The following PCDHGA8 variants were observed in gnomAD, a reference collection of about 807,000 sequenced individuals.
PCDHGA8 encodes protocadherin gamma-A8.
Under a neutral mutation model 59.2 loss-of-function variants are expected in PCDHGA8, and 45 were observed. The observed-to-expected ratio is 0.76, with a 90% CI of 0.60 to 0.98. PCDHGA8 has a LOEUF of 0.98. Among genes scored for constraint, PCDHGA8 ranks in the 50% least tolerant of loss-of-function variants. The probability of loss-of-function intolerance (pLI) is 0.00; values close to 1 mark genes in which losing one functional copy is unlikely to be tolerated. For synonymous variants in PCDHGA8, 531 were observed against 519.0 expected (o/e 1.02, Z -0.32); for missense variants, 1,257 against 1,196.2 (o/e 1.05, Z -0.75).
chr5:141,393,404 G>A lies in PCDHGA8; in HGVS notation c.591G>A (p.Glu197=), dbSNP rs1159260916. 1 of 1,614,024 alleles carries A rather than the reference G, an allele frequency of 6.2e-7. No individual in the cohort carries two copies. Among genetic ancestry groups the A allele is most frequent in the Non-Finnish European group, 8.5e-7 (1 of 1,179,902 alleles). The change falls in exon 1 of 4, where the codon GAG becomes GAA. Residue 197 remains glutamate, a synonymous_variant. Coordinates refer to ENST00000398604, the MANE Select transcript of PCDHGA8 (RefSeq NM_032088.2). ...NGAINPELVL[E]RALDREEEAA... is the part of the protein sequence containing the mutation. Reference sequence around the variant, plus strand: ...CCATAAACCCAGAGCTGGTGCTGGAGCGCGCCCTGGACAGGGAGGAAGAGG... The same window carrying A: ...CCATAAACCCAGAGCTGGTGCTGGAACGCGCCCTGGACAGGGAGGAAGAGG...
Position 141,392,825 on chromosome 5 carries a change from A to T in PCDHGA8, c.12A>T (p.Pro4=). The T allele has an allele frequency of 6.2e-7, 1 of 1,601,466 alleles. No individual in the cohort carries two copies. The change falls in exon 1 of 4, where the codon CCA becomes CCT. Residue 4 remains proline, a synonymous_variant. Transcript: ENST00000398604. Reference sequence around the variant, plus strand: ...GCAGCAAAACAACAATGGCCGCTCCACAGAGTCGCCCCAGACGCGGCGAGC... The same window carrying T: ...GCAGCAAAACAACAATGGCCGCTCCTCAGAGTCGCCCCAGACGCGGCGAGC... The part of the protein sequence containing the change: MAA[P]QSRPRRGELI...
At chr5:141,410,022 A>C (rs557770094) in intron 1 of PCDHGA8, 2 of 1,613,094 alleles carry the variant, frequency 1.2e-6, no homozygotes, top group South Asian at 2.2e-5. Context: ...CTGTCCTACC[A>C]CGTGCTGCAG....
intron 1 of PCDHGA8, chr5:141,402,869 C>G (rs1051518401): frequency 6.7e-5 from 97 of 1,448,564 alleles, no homozygotes; most frequent in Admixed American, 6.1e-4. Flanking sequence ...GAAAAGATCA[C>G]CATACTTTGC....
chr5:141,482,923 AT>A (rs1193255251), intron 1 of PCDHGA8, among the ~76,000 whole-genome samples: 10 of 152,074 alleles, frequency 6.6e-5, no homozygotes, highest in Non-Finnish European at 1.5e-4. Context: ...AATACAAAAA[AT>A]TAGCCAGGTG....
chr5:141,421,842 A>G (rs1209505923), intron 1 of PCDHGA8: 1 of 1,613,744 alleles, frequency 6.2e-7, no homozygotes, highest in Non-Finnish European at 8.5e-7. Context: ...ACCGAGAGAA[A>G]GAGGCTGCTC....
At chr5:141,434,489 C>T (rs921000136) in intron 1 of PCDHGA8, among the ~76,000 whole-genome samples, 4 of 152,158 alleles carry the variant, frequency 2.6e-5, no homozygotes, top group Non-Finnish European at 4.4e-5. Flanking sequence ...ACACCTGGCC[C>T]GCCCAGGGCA....
In PCDHGA8 at chr5:141,489,993, C is replaced by T. The variant is rs1413894892; in HGVS notation, c.2425-4814C>T. 18 of 1,614,186 alleles carry T rather than the reference C, an allele frequency of 1.1e-5. No individual in the cohort carries two copies. The highest frequency in any genetic ancestry group is 1.5e-5 in the Non-Finnish European group (18 of 1,179,990). On this transcript the variant is annotated intron_variant, in intron 1 of 3. Transcript: ENST00000398604. The surrounding 1 kb of genome is among the most constrained non-coding windows in gnomAD (Gnocchi z 4.5). ...AATCCTCAGTTCTACGTGTGGGAAT[C>T]CCAGAGAATGCACCCATTGGTACTC...
chr5:141,428,007 A>G, intron 1 of PCDHGA8: 1 of 1,602,018 alleles, frequency 6.2e-7, no homozygotes, highest in Non-Finnish European at 8.5e-7. Flanking sequence ...ACTCTTCGAT[A>G]TAGTGCCACG....
Position 141,491,732 on chromosome 5 carries a change from C to G in PCDHGA8, c.2425-3075C>G. ...GGCTCGGCGCCGCCCCGGGCGACCC[C>G]TGGGGGCGGCACTGGAGAAGCCGCC... On this transcript the variant is annotated intron_variant, in intron 1 of 3. Coordinates refer to ENST00000398604, the MANE Select transcript of PCDHGA8 (RefSeq NM_032088.2). This position sits in a 1 kb window ranked among gnomAD's most constrained non-coding sequence, Gnocchi z 6.9. The G allele has an allele frequency of 1.2e-6, 2 of 1,602,752 alleles. No individual in the cohort carries two copies. Among genetic ancestry groups the G allele is most frequent in the Non-Finnish European group, 1.7e-6 (2 of 1,175,308 alleles).
intron 1 of PCDHGA8, among the ~76,000 whole-genome samples, chr5:141,478,999 A>C (rs1220971456): frequency 2.0e-5 from 3 of 152,194 alleles, no homozygotes. Context: ...ATTAAAACTA[A>C]TAGCTTTTTG....
chr5:141,399,274 C>T, intron 1 of PCDHGA8: 1 of 1,613,848 alleles, frequency 6.2e-7, no homozygotes, highest in Non-Finnish European at 8.5e-7. Context: ...TTGTCAATTA[C>T]AAGGCGAAGT....
rs2097461148 is a variant in PCDHGA8 at position 141,432,174 on chromosome 5, T to C, written c.2424+36937T>C. ...AACAATCCCAGAGGAGTTTCCCTCGTCTCTGTGACCGCCCACGACCCCGAC... is the reference window on the plus strand; with the variant it reads ...AACAATCCCAGAGGAGTTTCCCTCGCCTCTGTGACCGCCCACGACCCCGAC... On this transcript the variant is annotated intron_variant, in intron 1 of 3. Transcript: ENST00000398604. The surrounding 1 kb of genome is among the most constrained non-coding windows in gnomAD (Gnocchi z 6.0). 1 of 1,614,088 alleles carries C rather than the reference T, an allele frequency of 6.2e-7. No homozygotes were observed. Among genetic ancestry groups the C allele is most frequent in the Non-Finnish European group, 8.5e-7 (1 of 1,180,022 alleles).
chr5:141,425,523 T>C (rs1260519939), intron 1 of PCDHGA8, among the ~76,000 whole-genome samples: 1 of 152,248 alleles, frequency 6.6e-6, no homozygotes, highest in Admixed American at 6.5e-5. Flanking sequence ...TGATGAAACA[T>C]GAAACAATAA....
intron 1 of PCDHGA8, chr5:141,410,466 G>A (rs536543649): frequency 6.2e-7 from 1 of 1,613,908 alleles, no homozygotes; most frequent in African/African-American, 1.3e-5. Context: ...TATAATCTGT[G>A]CATTGCACAT....
Position 141,490,509 on chromosome 5 carries a change from G to A in PCDHGA8, c.2425-4298G>A. 6.2e-7 allele frequency: 1 copy of A among 1,614,072 alleles called. No individual in the cohort carries two copies. On this transcript the variant is annotated intron_variant, in intron 1 of 3. Transcript: ENST00000398604. The surrounding 1 kb of genome is among the most constrained non-coding windows in gnomAD (Gnocchi z 5.4). ...AGGCCACATCCCACTATATCATCGA[G>A]CTGCTGGCCAGCGATGCTGGTTCAC...
At chr5:141,414,106 C>G (rs1424739885) in intron 1 of PCDHGA8, 2 of 1,592,536 alleles carry the variant, frequency 1.3e-6, no homozygotes, top group Non-Finnish European at 1.7e-6. Context: ...ATCAGAAAAT[C>G]TAGATTATGA....
At position 141,477,217 on chromosome 5, in the gene PCDHGA8, G is replaced by T. The variant is rs745497348; in HGVS notation, c.2425-17590G>T. On this transcript the variant is annotated intron_variant, in intron 1 of 3. Transcript: ENST00000398604. This position sits in a 1 kb window ranked among gnomAD's most constrained non-coding sequence, Gnocchi z 4.9. ...GCCCAGTACCCGAGGATGCCCCTCTGGGGACTGTCATCGCTTTGCTCAGTG... is the reference window on the plus strand; with the variant it reads ...GCCCAGTACCCGAGGATGCCCCTCTTGGGACTGTCATCGCTTTGCTCAGTG... The T allele has an allele frequency of 8.1e-6, 13 of 1,614,178 alleles. No homozygotes were observed. The African/African-American group carries it at 1.7e-4, about 22-fold the overall frequency.
At chr5:141,405,830 G>A (rs1214599375) in intron 1 of PCDHGA8, among the ~76,000 whole-genome samples, 3 of 152,148 alleles carry the variant, frequency 2.0e-5, no homozygotes, top group East Asian at 1.9e-4. Flanking sequence ...ACTTAAGGTA[G>A]TATAAGTTGA....
chr5:141,490,004 C>A lies in PCDHGA8; in HGVS notation c.2425-4803C>A. The A allele has an allele frequency of 6.2e-7, 1 of 1,614,174 alleles. No homozygotes were observed. The highest frequency in any genetic ancestry group is 1.7e-5 in the Admixed American group (1 of 60,034). On this transcript the variant is annotated intron_variant, in intron 1 of 3. Transcript: ENST00000398604. The surrounding 1 kb of genome is among the most constrained non-coding windows in gnomAD (Gnocchi z 5.4). ...CTACGTGTGGGAATCCCAGAGAATGCACCCATTGGTACTCTGCTGCTCCGC... is the reference window on the plus strand; with the variant it reads ...CTACGTGTGGGAATCCCAGAGAATGAACCCATTGGTACTCTGCTGCTCCGC...
Sources: gnomAD v4.1 joint callset for allele counts (sites outside exome capture counted in the v4.1 genomes callset) on GRCh38, gnomAD v4.1.1 for gene constraint, Gnocchi (gnomAD v3.1) non-coding constraint, MANE v1.5 for transcripts, NCBI Gene and HGNC (gene_info 2026-07-23, HGNC 2026-07-21) for gene names.